KRTCAP3: variants seen among roughly 807,000 people sequenced by gnomAD.
KRTCAP3 encodes keratinocyte associated protein 3, also known as keratinocyte-associated protein 3.
A neutral mutation model predicts 20.5 loss-of-function variants in KRTCAP3; 18 were observed. That is an observed-to-expected ratio of 0.88 (90% CI 0.61 to 1.31). KRTCAP3 has a LOEUF of 1.31. KRTCAP3 is among the 50% of genes most tolerant of loss of function. The probability of loss-of-function intolerance (pLI) is 0.00; values close to 1 mark genes in which losing one functional copy is unlikely to be tolerated. For synonymous variants in KRTCAP3, 167 were observed against 133.7 expected (o/e 1.25, Z -1.72); for missense variants, 347 against 310.4 (o/e 1.12, Z -0.89).
chr2:27,445,288 T>C, downstream of KRTCAP3: 1 of 1,610,122 alleles, frequency 6.2e-7, no homozygotes, highest in Non-Finnish European at 8.5e-7. The surrounding 1 kb of genome is among the most constrained non-coding windows in gnomAD (Gnocchi z 4.4). Context: ...TGCTGTAGGC[T>C]TCTATACCTG....
downstream of KRTCAP3, chr2:27,446,028 G>A (rs1572710606): frequency 6.2e-7 from 1 of 1,609,922 alleles, no homozygotes; most frequent in Admixed American, 1.7e-5. Context: ...TGAACAAGCT[G>A]GGTTTGAATG....
intron 6 of KRTCAP3, 35 bp downstream of exon 6, chr2:27,444,096 G>C (rs1350586483): frequency 8.1e-7 from 1 of 1,238,702 alleles, no homozygotes; most frequent in Non-Finnish European, 1.2e-6. Flanking sequence ...CCGGGTAAGA[G>C]CGGGGACAAG....
At position 27,443,185 on chromosome 2, in the gene KRTCAP3, A is replaced by G. The variant is rs774833697; in HGVS notation, c.385A>G (p.Ile129Val). The G allele has an allele frequency of 3.7e-6, 6 of 1,613,776 alleles. No homozygotes were observed. The highest frequency in any genetic ancestry group is 4.2e-6 in the Non-Finnish European group (5 of 1,179,948). ...LTVANGGRRL[I>V]ADCHPGLLDP... ...TGTGGCCAACGGTGGCCGCCGCCTT[A>G]TTGCTGACTGCCACCCAGGACTGCT... Residue 129 changes from isoleucine (I) to valine (V), a missense_variant, in exon 4 of 7, where the codon ATT becomes GTT. Transcript: ENST00000288873.
In KRTCAP3 at chr2:27,442,386, G is replaced by T. The variant is rs1412768199; in HGVS notation, c.-27G>T. 6.5e-7 allele frequency: 1 copy of T among 1,544,812 alleles called. No homozygotes were observed. Among genetic ancestry groups the T allele is most frequent in the South Asian group, 1.2e-5 (1 of 83,412 alleles). The stretch of plus-strand genomic sequence containing the variant: ...GGGCGGGGCCGGGCCCAGGTACAGC[G>T]GCCCTGCGGCTGGCGCGGCGGACGG... On this transcript the variant is annotated 5_prime_UTR_variant, in exon 1 of 7. Coordinates refer to ENST00000288873, the MANE Select transcript of KRTCAP3 (RefSeq NM_173853.4).
chr2:27,445,932 G>C (rs369400518), downstream of KRTCAP3: 48 of 1,614,034 alleles, frequency 3.0e-5, no homozygotes, highest in African/African-American at 5.5e-4. This position sits in a 1 kb window ranked among gnomAD's most constrained non-coding sequence, Gnocchi z 4.4. Context: ...TACTCACATC[G>C]GTCAGGTCCA....
downstream of KRTCAP3, chr2:27,445,320 G>A (rs1329856696): frequency 1.9e-6 from 3 of 1,613,154 alleles, no homozygotes; most frequent in East Asian, 2.2e-5. The surrounding 1 kb of genome is among the most constrained non-coding windows in gnomAD (Gnocchi z 4.4). Context: ...GGCAGGGCTC[G>A]AACACCAGTG....
Position 27,444,082 on chromosome 2 carries a change from T to C in KRTCAP3, c.*5+21T>C. 3 of 1,399,218 alleles carry C rather than the reference T, an allele frequency of 2.1e-6. No homozygotes were observed. The South Asian group carries it at 3.5e-5, about 16-fold the overall frequency. 86.7% of individuals were successfully genotyped at this position (1,399,218 alleles called of 1,614,324 possible). On this transcript the variant is annotated intron_variant, in intron 6 of 6. Coordinates refer to ENST00000288873, the MANE Select transcript of KRTCAP3 (RefSeq NM_173853.4). ...GACAGGTAATGGGCCTTGAAGGTGG[T>C]GGCCCGGGTAAGAGCGGGGACAAGG...
chr2:27,443,824 C>G (rs1022015720), intron 5 of KRTCAP3, 125 bp from the exon 6 acceptor site: 1 of 665,636 alleles, frequency 1.5e-6, no homozygotes, highest in Admixed American at 2.5e-5. Context: ...TGCAGTGAAC[C>G]GAGATCACGC....
At position 27,443,833 on chromosome 2, in the gene KRTCAP3, G is replaced by T. The variant is rs527278715; in HGVS notation, c.616-116G>T. 3.5e-5 allele frequency: 24 copies of T among 693,460 alleles called. No individual in the cohort carries two copies. In the African/African-American group the frequency reaches 4.1e-4, roughly 12 times the overall value. The allele number at this position is 693,460 out of a possible 1,614,324, so 43.0% of individuals were successfully genotyped here. A position where few individuals can be genotyped will look rare whatever the true frequency, so the allele number is the denominator to read the frequency against. On this transcript the variant is annotated intron_variant, in intron 5 of 6. Transcript: ENST00000288873. Reference sequence around the variant, plus strand: ...GGAGGTTGCAGTGAACCGAGATCACGCCACTGCACTCCAGCCTGGGCAACA... The same window carrying T: ...GGAGGTTGCAGTGAACCGAGATCACTCCACTGCACTCCAGCCTGGGCAACA...
chr2:27,443,006 T>C, intron 3 of KRTCAP3, 68 bp from the exon 4 acceptor site: 1 of 1,569,846 alleles, frequency 6.4e-7, no homozygotes, highest in Non-Finnish European at 8.8e-7. Context: ...TCAGAGAAAC[T>C]GGGTGTCTAG....
In KRTCAP3 at chr2:27,442,678, T is replaced by C. The variant is rs766100769; in HGVS notation, c.128T>C (p.Val43Ala). Residue 43 changes from valine (V) to alanine (A), a missense_variant, in exon 2 of 7, where the codon GTC becomes GCC. Transcript: ENST00000288873. The stretch of plus-strand genomic sequence containing the variant: ...CTGGGGGCCGTGCTGCATGGCACCG[T>C]CCTGCGGCACGTGGCCAATCCCCGC... Reference protein sequence around the residue: ...LLLGAVLHGTVLRHVANPRGA... With the variant: ...LLLGAVLHGTALRHVANPRGA... 3.2e-6 allele frequency: 5 copies of C among 1,587,082 alleles called. No individual in the cohort carries two copies. Among genetic ancestry groups the C allele is most frequent in the Non-Finnish European group, 4.3e-6 (5 of 1,165,952 alleles).
At chr2:27,446,421 C>G, downstream of KRTCAP3, 1 of 1,378,364 alleles carries the variant, frequency 7.3e-7, no homozygotes, top group African/African-American at 1.4e-5. Flanking sequence ...ACCAATGATC[C>G]TGTAAGGCAG....
At chr2:27,445,182 T>G, downstream of KRTCAP3, 5 of 1,596,662 alleles carry the variant, frequency 3.1e-6, no homozygotes, top group Non-Finnish European at 4.3e-6. The surrounding 1 kb of genome is among the most constrained non-coding windows in gnomAD (Gnocchi z 4.4). Flanking sequence ...GCCTGGGGGG[T>G]AGAAAGCACA....
downstream of KRTCAP3, chr2:27,445,018 A>T: frequency 6.2e-7 from 1 of 1,613,652 alleles, no homozygotes; most frequent in Non-Finnish European, 8.5e-7. This position sits in a 1 kb window ranked among gnomAD's most constrained non-coding sequence, Gnocchi z 4.4. Flanking sequence ...TCTAACCTTG[A>T]TGGCCATAAG....
chr2:27,444,591 G>A, downstream of KRTCAP3: 1 of 1,205,388 alleles, frequency 8.3e-7, no homozygotes, highest in Non-Finnish European at 1.2e-6. Flanking sequence ...TCCATCGCAG[G>A]CTTCAGGGTC....
At position 27,443,513 on chromosome 2, in the gene KRTCAP3, A is replaced by G; in HGVS notation, c.596A>G (p.Lys199Arg). The G allele has an allele frequency of 6.2e-7, 1 of 1,614,128 alleles. No individual in the cohort carries two copies. Among genetic ancestry groups the G allele is most frequent in the Non-Finnish European group, 8.5e-7 (1 of 1,179,998 alleles). ...CTACGTGGAGTTGGGCCCTGCAGGA[A>G]GGACGGACTTCAGGGGCAGGTAAGG... Reference protein sequence around the residue: ...LTLRGVGPCRKDGLQGQLEEM... With the variant: ...LTLRGVGPCRRDGLQGQLEEM... The change falls in exon 5 of 7, where the codon AAG becomes AGG. Residue 199 changes from lysine to arginine, a missense_variant. Transcript: ENST00000288873.
In KRTCAP3 at chr2:27,443,428, T is replaced by C; in HGVS notation, c.511T>C (p.Leu171=). Residue 171 remains leucine, a synonymous_variant, in exon 5 of 7, where the codon TTG becomes CTG. Coordinates refer to ENST00000288873, the MANE Select transcript of KRTCAP3 (RefSeq NM_173853.4). ...AGCCTTGGCTCTCTGGATCCCTTCTTTGCTCATGTCTGCAGGGGAGGCTGC... is the reference window on the plus strand; with the variant it reads ...AGCCTTGGCTCTCTGGATCCCTTCTCTGCTCATGTCTGCAGGGGAGGCTGC... ...DTALALWIPS[L]LMSAGEAALS... 6.2e-7 allele frequency: 1 copy of C among 1,614,166 alleles called. No homozygotes were observed. Among genetic ancestry groups the C allele is most frequent in the Non-Finnish European group, 8.5e-7 (1 of 1,180,022 alleles).
At position 27,442,519 on chromosome 2, in the gene KRTCAP3, C is replaced by T. The variant is rs541928246; in HGVS notation, c.29-60C>T. On this transcript the variant is annotated intron_variant, in intron 1 of 6. Coordinates refer to ENST00000288873, the MANE Select transcript of KRTCAP3 (RefSeq NM_173853.4). ...CGTCCTACTGCCCGCGGTTAACCCG[C>T]CGCGAGCCGCCTCTCCCCTCCCCGC... 727 of 1,525,632 alleles carry T rather than the reference C, an allele frequency of 4.8e-4. 11 individuals are homozygous for T. In the South Asian group the frequency reaches 8.8e-3, roughly 19 times the overall value. The allele number at this position is 1,525,632 out of a possible 1,614,324, so 94.5% of individuals were successfully genotyped here.
chr2:27,444,952 T>G, downstream of KRTCAP3: 1 of 1,538,828 alleles, frequency 6.5e-7, no homozygotes, highest in Non-Finnish European at 8.8e-7. Flanking sequence ...CCCAGACTTG[T>G]TTTTTTTTCT....
Sources: allele counts gnomAD v4.1 joint callset, GRCh38; gene constraint gnomAD v4.1.1; non-coding constraint Gnocchi (gnomAD v3.1); transcripts MANE v1.5; gene names NCBI Gene and HGNC (gene_info 2026-07-23, HGNC 2026-07-21).